STX3: variants seen among roughly 807,000 people sequenced by gnomAD.
The protein encoded by STX3 is syntaxin-3.
STX3 carries 19 observed loss-of-function variants against 40.2 expected under a neutral mutation model. That is an observed-to-expected ratio of 0.47 (90% CI 0.33 to 0.69). The LOEUF (loss-of-function observed/expected upper bound fraction) is 0.69, where lower values mean the gene tolerates loss of function less well. STX3 is among the 30% of genes least tolerant of loss of function. The pLI, the probability that STX3 is intolerant of heterozygous loss-of-function variation, is 0.02. For synonymous variants in STX3, 122 were observed against 132.2 expected, an observed-to-expected ratio of 0.92 and a Z score of 0.53; for missense variants, 364 against 366.7, an observed-to-expected ratio of 0.99 and a Z score of 0.06.
rs2135019114 is a variant in STX3, at chr11:59,793,089, T to C, written c.467-10T>C. The C allele has an allele frequency of 6.2e-7, 1 of 1,613,126 alleles. No individual in the cohort carries two copies. The highest frequency in any genetic ancestry group is 8.5e-7 in the Non-Finnish European group (1 of 1,179,850). The stretch of plus-strand genomic sequence containing the variant: ...CTTATATTTGACGCTCTACTTCTTT[T>C]GTTACAAAGCTGGCAAAAAGACAAC... On this transcript the variant is annotated splice_polypyrimidine_tract_variant and intron_variant, in intron 6 of 10. Coordinates refer to ENST00000337979, the MANE Select transcript of STX3 (RefSeq NM_004177.5).
intron 4 of STX3, among the ~76,000 whole-genome samples, chr11:59,790,082 A>T (rs1481665171): frequency 6.6e-6 from 1 of 152,242 alleles, no homozygotes; most frequent in African/African-American, 2.4e-5. Flanking sequence ...AGTCATTAGT[A>T]GCAGATTCCA....
rs776180420 is a variant in STX3 at position 59,802,726 on chromosome 11, A to C, written c.*1902A>C. On this transcript the variant is annotated 3_prime_UTR_variant, in exon 11 of 11. Coordinates refer to ENST00000337979, the MANE Select transcript of STX3 (RefSeq NM_004177.5). The stretch of plus-strand genomic sequence containing the variant: ...GTGAAACGGTTCTGGCTCTGTCTCG[A>C]TGCAGAAACACAATGATCTGGTGCC... 6 of 985,844 alleles carry C rather than the reference A, an allele frequency of 6.1e-6. No homozygotes were observed. Among genetic ancestry groups the C allele is most frequent in the Admixed American group, 6.1e-5 (1 of 16,268 alleles). The allele number at this position is 985,844 out of a possible 1,614,324, so 61.1% of individuals were successfully genotyped here.
chr11:59,763,132 A>T (rs1017069259), intron 1 of STX3, among the ~76,000 whole-genome samples: 26 of 152,214 alleles, frequency 1.7e-4, no homozygotes, highest in Admixed American at 1.3e-3. Flanking sequence ...CGGATGAAAG[A>T]ATGAACAAAT....
At chr11:59,789,523 C>G (rs1189369951) in intron 4 of STX3, among the ~76,000 whole-genome samples, 1 of 151,610 alleles carries the variant, frequency 6.6e-6, no homozygotes, top group African/African-American at 2.4e-5. Flanking sequence ...TCACTGCAAT[C>G]TCTGCTTCTT....
intron 1 of STX3, 92 bp downstream of exon 1, chr11:59,755,727 C>G (rs534755014): frequency 7.0e-7 from 1 of 1,423,802 alleles, no homozygotes; most frequent in East Asian, 2.8e-5. Flanking sequence ...TGGAGGGGGG[C>G]CCGAGCCGGA....
intron 3 of STX3, among the ~76,000 whole-genome samples, chr11:59,788,187 G>A (rs1413472981): frequency 6.6e-6 from 1 of 152,154 alleles, no homozygotes; most frequent in African/African-American, 2.4e-5. Flanking sequence ...CATCTTTAGA[G>A]GCTTTTCCAG....
At chr11:59,787,938 A>C (rs1864881022) in intron 3 of STX3, among the ~76,000 whole-genome samples, 1 of 152,138 alleles carries the variant, frequency 6.6e-6, no homozygotes. Flanking sequence ...AAGTGGGAAC[A>C]CTTTAGCAGA....
rs953757571 is a variant in STX3, at chr11:59,802,346, C to T, written c.*1522C>T. The T allele has an allele frequency of 1.0e-6, 1 of 985,328 alleles. No individual in the cohort carries two copies. The highest frequency in any genetic ancestry group is 1.7e-5 in the African/African-American group (1 of 57,232). The allele number at this position is 985,328 out of a possible 1,614,324, so 61.0% of individuals were successfully genotyped here. A position where few individuals can be genotyped will look rare whatever the true frequency, so the allele number is the denominator to read the frequency against. On this transcript the variant is annotated 3_prime_UTR_variant, in exon 11 of 11. Coordinates refer to ENST00000337979, the MANE Select transcript of STX3 (RefSeq NM_004177.5). ...CTGGCAGTCTCCTTGATTTTGGGTA[C>T]CATGTATATTTTCCGCTTTGACTTT...
chr11:59,761,818 GT>G (rs148973048), intron 1 of STX3, among the ~76,000 whole-genome samples: 91 of 143,474 alleles, frequency 6.3e-4, no homozygotes, highest in African/African-American at 8.4e-4. Context: ...TGGCATCAGG[GT>G]TTTTTTTTTT....
intron 2 of STX3, among the ~76,000 whole-genome samples, chr11:59,774,638 C>T (rs576812483): frequency 1.3e-3 from 193 of 152,236 alleles, no homozygotes; most frequent in African/African-American, 4.1e-3. Context: ...TGAGACCAGC[C>T]TGGCCAACAC....
At position 59,803,351 on chromosome 11, in the gene STX3, T is replaced by G. The variant is rs566974955; in HGVS notation, c.*2527T>G. On this transcript the variant is annotated 3_prime_UTR_variant, in exon 11 of 11. Coordinates refer to ENST00000337979, the MANE Select transcript of STX3 (RefSeq NM_004177.5). ...ACCTTCTTTCACTGACTTGAAACCT[T>G]TGTGTCTTGGGGGCACTCTAGGTGC... The G allele has an allele frequency of 1.5e-4, 180 of 1,182,380 alleles. No homozygotes were observed. In the African/African-American group the frequency reaches 2.7e-3, roughly 18 times the overall value. 73.2% of individuals were successfully genotyped at this position (1,182,380 alleles called of 1,614,324 possible). A position where few individuals can be genotyped will look rare whatever the true frequency, so the allele number is the denominator to read the frequency against.
intron 2 of STX3, chr11:59,781,685 G>T: frequency 6.2e-7 from 1 of 1,603,062 alleles, no homozygotes; most frequent in Non-Finnish European, 8.5e-7. Context: ...TGTCCACCAG[G>T]CGCCATCTTC....
At chr11:59,792,511 T>C (rs1865249673) in intron 6 of STX3, among the ~76,000 whole-genome samples, 1 of 152,184 alleles carries the variant, frequency 6.6e-6, no homozygotes, top group African/African-American at 2.4e-5. Flanking sequence ...TGCTGTCTGT[T>C]TGACAGCAAA....
Position 59,793,282 on chromosome 11 carries a change from AG to A in STX3, c.541-95del, listed in dbSNP as rs1173949760. 21 of 1,606,364 alleles carry A rather than the reference AG, an allele frequency of 1.3e-5. No homozygotes were observed. The Admixed American group carries it at 3.4e-4, about 26-fold the overall frequency. ...GGGGAGCTGCAGGTGCAGGGAGTTC[AG>A]GGAGGCAAGGAGCTCCCCAGGAGCG... On this transcript the variant is annotated intron_variant, in intron 7 of 10. Transcript: ENST00000337979.
chr11:59,795,754 T>TA (rs1565191296), intron 9 of STX3: 2 of 1,505,596 alleles, frequency 1.3e-6, no homozygotes, highest in Non-Finnish European at 1.8e-6. Context: ...TCAGCTGTCT[T>TA]ACTAGTATCT....
intron 1 of STX3, among the ~76,000 whole-genome samples, chr11:59,766,010 C>T (rs1049208056): frequency 6.6e-6 from 1 of 152,206 alleles, no homozygotes; most frequent in African/African-American, 2.4e-5. Flanking sequence ...GCCCACAAAT[C>T]TTTAATGCCC....
At chr11:59,774,516 A>T (rs1353112743) in intron 2 of STX3, among the ~76,000 whole-genome samples, 8 of 151,894 alleles carry the variant, frequency 5.3e-5, no homozygotes. Flanking sequence ...AACAACAAAA[A>T]TCCCCATTGA....
Position 59,802,392 on chromosome 11 carries a change from A to C in STX3, c.*1568A>C. ...ACTTTAACGCTTTCTAGGATAGGGTAAGCACCCTTAATTCAGGCACTGTCC... is the reference window on the plus strand; with the variant it reads ...ACTTTAACGCTTTCTAGGATAGGGTCAGCACCCTTAATTCAGGCACTGTCC... On this transcript the variant is annotated 3_prime_UTR_variant, in exon 11 of 11. Coordinates refer to ENST00000337979, the MANE Select transcript of STX3 (RefSeq NM_004177.5). The C allele has an allele frequency of 1.0e-6, 1 of 985,716 alleles. No individual in the cohort carries two copies. The highest frequency in any genetic ancestry group is 1.2e-6 in the Non-Finnish European group (1 of 829,958). 61.1% of individuals were successfully genotyped at this position (985,716 alleles called of 1,614,324 possible). A position where few individuals can be genotyped will look rare whatever the true frequency, so the allele number is the denominator to read the frequency against.
In STX3 at chr11:59,802,180, G is replaced by C; in HGVS notation, c.*1356G>C. 1.0e-6 allele frequency: 1 copy of C among 985,406 alleles called. No homozygotes were observed. Among genetic ancestry groups the C allele is most frequent in the Non-Finnish European group, 1.2e-6 (1 of 829,948 alleles). 61.0% of individuals were successfully genotyped at this position (985,406 alleles called of 1,614,324 possible). A position where few individuals can be genotyped will look rare whatever the true frequency, so the allele number is the denominator to read the frequency against. ...CAGAGGCTACACAGTAGCTCTTCCTGCTACTCGGTTAATGAGCTTGGCAGG... is the reference window on the plus strand; with the variant it reads ...CAGAGGCTACACAGTAGCTCTTCCTCCTACTCGGTTAATGAGCTTGGCAGG... On this transcript the variant is annotated 3_prime_UTR_variant, in exon 11 of 11. Transcript: ENST00000337979.
Sources: allele counts gnomAD v4.1 joint callset (sites outside exome capture counted in the v4.1 genomes callset), GRCh38; gene constraint gnomAD v4.1.1; transcripts MANE v1.5; gene names NCBI Gene and HGNC (gene_info 2026-07-23, HGNC 2026-07-21).